Variants in FMNL2 observed in about 807,000 individuals in gnomAD.
FMNL2 encodes the protein formin-like protein 2.
In FMNL2, 51 loss-of-function variants were observed where a neutral mutation model predicts 130.2. That is an observed-to-expected ratio of 0.39 (90% CI 0.31 to 0.49). The LOEUF (loss-of-function observed/expected upper bound fraction) is 0.49. FMNL2 is among the 20% of genes least tolerant of loss of function. The pLI is 0.85. For missense variants in FMNL2, 977 were observed against 1,316.2 expected (o/e 0.74, Z 3.99); for synonymous variants, 465 against 467.1 (o/e 1.00, Z 0.06).
intron 1 of FMNL2, among the ~76,000 whole-genome samples, chr2:152,418,634 C>G (rs946876732): frequency 1.3e-5 from 2 of 152,162 alleles, no homozygotes; most frequent in Non-Finnish European, 2.9e-5. Context: ...GTCAGAATTT[C>G]ATTCTTTTTT....
intron 1 of FMNL2, among the ~76,000 whole-genome samples, chr2:152,362,929 T>A (rs1683263032): frequency 6.6e-6 from 1 of 152,242 alleles, no homozygotes; most frequent in Admixed American, 6.5e-5. Flanking sequence ...AAGAAGCCAG[T>A]CACAAAAGAT....
chr2:152,454,236 C>T (rs1688821843), intron 1 of FMNL2, among the ~76,000 whole-genome samples: 1 of 152,138 alleles, frequency 6.6e-6, no homozygotes, highest in African/African-American at 2.4e-5. Context: ...AATAGCATAC[C>T]ACTGCATTCC....
intron 4 of FMNL2, among the ~76,000 whole-genome samples, chr2:152,558,308 C>T (rs142353614): frequency 1.3e-5 from 2 of 152,258 alleles, no homozygotes; most frequent in East Asian, 3.9e-4. Flanking sequence ...AGGACTTGAA[C>T]TTGGATTTGG....
At chr2:152,360,114 A>G (rs1683077015) in intron 1 of FMNL2, among the ~76,000 whole-genome samples, 2 of 152,318 alleles carry the variant, frequency 1.3e-5, no homozygotes, top group South Asian at 4.1e-4. Flanking sequence ...ATCCTGTCAG[A>G]AAAGAGAAAT....
chr2:152,531,478 CT>C (rs11462086), intron 2 of FMNL2, among the ~76,000 whole-genome samples: 11 of 148,054 alleles, frequency 7.4e-5, no homozygotes, highest in African/African-American at 2.2e-4. Context: ...GATGTAAGAT[CT>C]TTTTTTTTTT....
intron 9 of FMNL2, among the ~76,000 whole-genome samples, chr2:152,595,157 A>C (rs922842305): frequency 8.5e-5 from 13 of 152,254 alleles, no homozygotes; most frequent in African/African-American, 2.9e-4. Flanking sequence ...ACCAAGAACA[A>C]CACTGAATTT....
At chr2:152,558,023 A>G (rs1259481695) in intron 4 of FMNL2, among the ~76,000 whole-genome samples, 1 of 152,202 alleles carries the variant, frequency 6.6e-6, no homozygotes, top group Non-Finnish European at 1.5e-5. Flanking sequence ...CAGGATTATT[A>G]TGAAGAACAA....
intron 1 of FMNL2, among the ~76,000 whole-genome samples, chr2:152,402,184 G>A (rs983642057): frequency 3.9e-5 from 6 of 152,124 alleles, no homozygotes; most frequent in Admixed American, 6.5e-5. Flanking sequence ...TTACAGGCGT[G>A]AGCCACTACG....
intron 2 of FMNL2, among the ~76,000 whole-genome samples, chr2:152,540,782 G>A (rs2012384770): frequency 6.6e-6 from 1 of 151,850 alleles, no homozygotes; most frequent in African/African-American, 2.4e-5. Context: ...CATGGCACAC[G>A]TATACATATG....
At chr2:152,646,656 T>C (rs575876865) in intron 25 of FMNL2, among the ~76,000 whole-genome samples, 2 of 152,270 alleles carry the variant, frequency 1.3e-5, no homozygotes, top group South Asian at 4.1e-4. Context: ...TTTCAACTTG[T>C]TGAGTAGATA....
At position 152,485,221 on chromosome 2, in the gene FMNL2, G is replaced by A. The variant is rs150137376; in HGVS notation, c.118-36722G>A. ...AAATTAGCCATGCATGGCCGGGCAC[G>A]GTGGCTCACGCCTGTAATCCCAGCA... On this transcript the variant is annotated intron_variant, in intron 1 of 25. Coordinates refer to ENST00000288670, the MANE Select transcript of FMNL2 (RefSeq NM_052905.4). Among the ~76,000 whole-genome samples, 1,354 of 152,226 alleles carry A rather than the reference G, an allele frequency of 8.9e-3. 21 individuals carry two copies. The highest frequency in any genetic ancestry group is 0.031 in the African/African-American group (1,275 of 41,532).
chr2:152,483,819 A>G (rs1690665860), intron 1 of FMNL2, among the ~76,000 whole-genome samples: 1 of 152,254 alleles, frequency 6.6e-6, no homozygotes, highest in South Asian at 2.1e-4. Flanking sequence ...TGTAGCTAAT[A>G]GCTAGCATTT....
At chr2:152,440,210 C>A (rs1445202014) in intron 1 of FMNL2, among the ~76,000 whole-genome samples, 1 of 152,114 alleles carries the variant, frequency 6.6e-6, no homozygotes, top group African/African-American at 2.4e-5. Context: ...TTGACTCAGC[C>A]TCCCACAGTG....
At chr2:152,445,335 G>T (rs1688275787) in intron 1 of FMNL2, among the ~76,000 whole-genome samples, 2 of 152,234 alleles carry the variant, frequency 1.3e-5, no homozygotes, top group South Asian at 4.1e-4. Context: ...CTCACTTTTG[G>T]TGAGTACTCC....
chr2:152,536,262 C>T (rs796109214), intron 2 of FMNL2, among the ~76,000 whole-genome samples: 44 of 152,332 alleles, frequency 2.9e-4, no homozygotes, highest in African/African-American at 1.0e-3. Context: ...TTTTCCTCTC[C>T]CTGTTACTTG....
At chr2:152,600,228 C>T (rs1431359126) in intron 9 of FMNL2, among the ~76,000 whole-genome samples, 1 of 151,928 alleles carries the variant, frequency 6.6e-6, no homozygotes, top group Non-Finnish European at 1.5e-5. Context: ...ACGGTGCCTT[C>T]CTGCAGGGAG....
chr2:152,438,911 C>T (rs1687913508), intron 1 of FMNL2, among the ~76,000 whole-genome samples: 1 of 151,894 alleles, frequency 6.6e-6, no homozygotes, highest in Non-Finnish European at 1.5e-5. Flanking sequence ...TCATCAGTTG[C>T]CGGCACTTAT....
At chr2:152,414,479 C>T (rs997104974) in intron 1 of FMNL2, among the ~76,000 whole-genome samples, 3 of 152,246 alleles carry the variant, frequency 2.0e-5, no homozygotes, top group Admixed American at 6.5e-5. Context: ...ACATCCTCAC[C>T]GCTGAGCTGT....
chr2:152,529,799 A>G (rs1175868502), intron 2 of FMNL2, among the ~76,000 whole-genome samples: 1 of 152,184 alleles, frequency 6.6e-6, no homozygotes, highest in African/African-American at 2.4e-5. Flanking sequence ...TAGTGAAAAG[A>G]GGAGAGGAAA....
Sources: gnomAD v4.1 joint callset for allele counts (sites outside exome capture counted in the v4.1 genomes callset) on GRCh38, gnomAD v4.1.1 for gene constraint, MANE v1.5 for transcripts, NCBI Gene and HGNC (gene_info 2026-07-23, HGNC 2026-07-21) for gene names.